Variants in TBCD observed in about 807,000 individuals in gnomAD.
The protein encoded by TBCD is tubulin-specific chaperone D.
In TBCD, 105 loss-of-function variants were observed where a neutral mutation model predicts 169.3. The observed-to-expected ratio is 0.62, with a 90% confidence interval of 0.53 to 0.73. The LOEUF (loss-of-function observed/expected upper bound fraction) is 0.73, where lower values mean the gene tolerates loss of function less well. TBCD is among the 30% of genes least tolerant of loss of function. The pLI, the probability that TBCD is intolerant of heterozygous loss-of-function variation, is 0.00. For missense variants in TBCD, 1,444 were observed against 1,600.1 expected, an observed-to-expected ratio of 0.90 and a Z score of 1.66; for synonymous variants, 700 against 643.9, an observed-to-expected ratio of 1.09 and a Z score of -1.32.
chr17:82,774,898 C>A (rs914336675), intron 6 of TBCD, among the ~76,000 whole-genome samples: 7 of 152,252 alleles, frequency 4.6e-5, no homozygotes, highest in African/African-American at 1.7e-4. Context: ...CTTTCCCCGT[C>A]TTTTCCAGTT....
At position 82,806,924 on chromosome 17, in the gene TBCD, C is replaced by T. The variant is rs1046485024; in HGVS notation, c.1088-684C>T. ...CGGGGCCCTGGGTCTGCCCCTTCCC[C>T]GTGTCCGCAGCCTGCCCCAGGTTCA... is the stretch of plus-strand genomic sequence containing the variant. On this transcript the variant is annotated intron_variant, in intron 10 of 38. Transcript: ENST00000355528. This position sits in a 1 kb window ranked among gnomAD's most constrained non-coding sequence, Gnocchi z 5.1. Among the ~76,000 whole-genome samples the T allele has an allele frequency of 3.9e-5, 6 of 152,214 alleles. No homozygotes were observed. Among genetic ancestry groups the T allele is most frequent in the African/African-American group, 1.2e-4 (5 of 41,452 alleles).
Position 82,929,174 on chromosome 17 carries a change from G to T in TBCD, c.2755G>T (p.Ala919Ser). 6.2e-7 allele frequency: 1 copy of T among 1,613,598 alleles called. No individual in the cohort carries two copies. Residue 919 changes from alanine to serine, a missense_variant, in exon 31 of 39, where the codon GCT (alanine) becomes TCT (serine). Physicochemically the swap from Ala to Ser is moderately conservative, Grantham distance 99. Transcript: ENST00000355528. ...QASEKIDRFR[A>S]HAASVFLTLL... ...CAGTGAGAAGATTGACCGTTTCCGTGCTCACGCCGCCAGCGTGTTCCTGAC... is the reference window on the plus strand; with the variant it reads ...CAGTGAGAAGATTGACCGTTTCCGTTCTCACGCCGCCAGCGTGTTCCTGAC...
intron 17 of TBCD, among the ~76,000 whole-genome samples, chr17:82,899,203 C>T (rs373673253): frequency 1.0e-4 from 15 of 148,502 alleles, no homozygotes; most frequent in South Asian, 4.3e-4. Context: ...AGCGCGTGTC[C>T]GCAGTGCGTC....
chr17:82,904,750 G>A (rs558735437), intron 19 of TBCD, among the ~76,000 whole-genome samples: 165 of 152,186 alleles, frequency 1.1e-3, no homozygotes, highest in African/African-American at 3.3e-3. Context: ...GTGGGGGCTC[G>A]TTCATTCCTA....
chr17:82,884,395 G>GGTTAA lies in TBCD; in HGVS notation c.1533+194_1533+195insTTAAG, dbSNP rs2058584359. Among the ~76,000 whole-genome samples the GGTTAA allele has an allele frequency of 6.6e-6, 1 of 152,202 alleles. No homozygotes were observed. The highest frequency in any genetic ancestry group is 1.5e-5 in the Non-Finnish European group (1 of 68,040). On this transcript the variant is annotated intron_variant, in intron 15 of 38. Transcript: ENST00000355528. This position sits in a 1 kb window ranked among gnomAD's most constrained non-coding sequence, Gnocchi z 4.2. ...CTCTGGGCGTCTTCAGCGTGTGAAG[G>GGTTAA]GCGGTCAGGGTTAAGCATCCCCAGA... is the stretch of plus-strand genomic sequence containing the variant.
rs1311524382 is a variant in TBCD, at chr17:82,874,550, C to T, written c.1475+4170C>T. ...GTGCCCCTCGCCCCTTTACCTGTGC[C>T]ATCCCGGCCGCAGACCCAAGGGTGC... On this transcript the variant is annotated intron_variant, in intron 14 of 38. Transcript: ENST00000355528. This position sits in a 1 kb window ranked among gnomAD's most constrained non-coding sequence, Gnocchi z 5.0. Among the ~76,000 whole-genome samples the T allele has an allele frequency of 2.6e-5, 4 of 152,302 alleles. No homozygotes were observed. Among genetic ancestry groups the T allele is most frequent in the Middle Eastern group, 3.4e-3 (1 of 294 alleles).
chr17:82,831,507 C>T lies in TBCD; in HGVS notation c.1318+16573C>T, dbSNP rs370662607. On this transcript the variant is annotated intron_variant, in intron 13 of 38. Transcript: ENST00000355528. This position sits in a 1 kb window ranked among gnomAD's most constrained non-coding sequence, Gnocchi z 4.6. ...CTGGCCTGTAAAATCCGTAAGGAAT[C>T]GGCAGGTTAGAGGGATATTGCTGGA... 13 of 1,614,074 alleles carry T rather than the reference C, an allele frequency of 8.1e-6. No homozygotes were observed. The highest frequency in any genetic ancestry group is 3.3e-5 in the Admixed American group (2 of 60,010).
intron 34 of TBCD, among the ~76,000 whole-genome samples, chr17:82,935,910 G>C (rs1441801790): frequency 6.6e-6 from 1 of 152,230 alleles, no homozygotes; most frequent in Non-Finnish European, 1.5e-5. Context: ...AGTGGGGTCT[G>C]CTGCGGTGAA....
chr17:82,929,757 C>T, intron 32 of TBCD: 3 of 604,858 alleles, frequency 5.0e-6, no homozygotes, highest in Non-Finnish European at 8.8e-6. Flanking sequence ...AGCCTTGGAG[C>T]TCCCAGCGTC....
At position 82,944,770 on chromosome 17, in the gene TBCD, C is replaced by T. The variant is rs2063565844; in HGVS notation, c.*2307C>T. The T allele has an allele frequency of 6.6e-6, 1 of 152,174 alleles. No homozygotes were observed. The highest frequency in any genetic ancestry group is 2.4e-5 in the African/African-American group (1 of 41,424). 9.4% of individuals were successfully genotyped at this position (152,174 alleles called of 1,614,324 possible). ...TGTGAGAGCAGAGACCTTGGAGATCCTGAGGGTTTCTGCTGAGCCCTGGAA... is the reference window on the plus strand; with the variant it reads ...TGTGAGAGCAGAGACCTTGGAGATCTTGAGGGTTTCTGCTGAGCCCTGGAA... On this transcript the variant is annotated 3_prime_UTR_variant, in exon 39 of 39. Transcript: ENST00000355528.
intron 12 of TBCD, among the ~76,000 whole-genome samples, chr17:82,813,247 C>G (rs1432312393): frequency 4.6e-5 from 7 of 152,246 alleles, no homozygotes; most frequent in Non-Finnish European, 1.5e-5. Context: ...GACCCGTGTA[C>G]CTGCGACACT....
chr17:82,809,113 AG>A (rs2144828482), intron 11 of TBCD, among the ~76,000 whole-genome samples: 1 of 152,124 alleles, frequency 6.6e-6, no homozygotes, highest in East Asian at 1.9e-4. Context: ...TGCTGTACGC[AG>A]GGGATGGCTT....
At chr17:82,805,341 G>A (rs1598608328) in intron 9 of TBCD, among the ~76,000 whole-genome samples, 1 of 152,340 alleles carries the variant, frequency 6.6e-6, no homozygotes, top group Admixed American at 6.5e-5. Context: ...TTCATGGCGT[G>A]TCCAGGGGAT....
rs766312013 is a variant in TBCD, at chr17:82,756,171, T to C, written c.191T>C (p.Met64Thr). 8 of 1,608,570 alleles carry C rather than the reference T, an allele frequency of 5.0e-6. No individual in the cohort carries two copies. In the Admixed American group the frequency reaches 1.2e-4, roughly 24 times the overall value. Residue 64 changes from methionine to threonine, a missense_variant, in exon 2 of 39, where the codon ATG becomes ACG. By Grantham distance (81) the Met-to-Thr change is moderately conservative (BLOSUM62 -1). Transcript: ENST00000355528. Reference sequence around the variant, plus strand: ...ATGTTATATTTGTTTTTAGTAATAATGGACAAATACCAGGAGCAGCCTCAT... The same window carrying C: ...ATGTTATATTTGTTTTTAGTAATAACGGACAAATACCAGGAGCAGCCTCAT... The part of the protein sequence containing the change: ...EVALERFRVI[M>T]DKYQEQPHLL...
intron 4 of TBCD, among the ~76,000 whole-genome samples, chr17:82,767,514 T>C (rs1422476849): frequency 6.6e-5 from 10 of 152,076 alleles, no homozygotes; most frequent in Non-Finnish European, 1.5e-4. Flanking sequence ...CAATCTTGGC[T>C]CACTGCAACC....
At chr17:82,785,032 C>A (rs1215998031) in intron 7 of TBCD, among the ~76,000 whole-genome samples, 3 of 114,818 alleles carry the variant, frequency 2.6e-5, no homozygotes, top group African/African-American at 1.2e-4. Flanking sequence ...TGGATCCCAC[C>A]CATCGCAGCG....
chr17:82,903,449 A>G lies in TBCD; in HGVS notation c.1775A>G (p.Gln592Arg), dbSNP rs1436714253. The G allele has an allele frequency of 1.2e-6, 2 of 1,602,520 alleles. No homozygotes were observed. The highest frequency in any genetic ancestry group is 1.7e-6 in the Non-Finnish European group (2 of 1,174,622). The change falls in exon 19 of 39, where the codon CAG (glutamine) becomes CGG (arginine). Residue 592 changes from glutamine to arginine, a missense_variant. Physicochemically the swap from Gln to Arg is conservative, Grantham distance 43 (BLOSUM62 1). Transcript: ENST00000355528. This position sits in a 1 kb window ranked among gnomAD's most constrained non-coding sequence, Gnocchi z 4.8. Reference sequence around the variant, plus strand: ...GCGAGGGCGCTGCACAACCTGGCCCAGCAGGCACCCGAGTTCAGCGCCACG... The same window carrying G: ...GCGAGGGCGCTGCACAACCTGGCCCGGCAGGCACCCGAGTTCAGCGCCACG... ...LAARALHNLA[Q>R]QAPEFSATQV... is the part of the protein sequence containing the mutation.
At chr17:82,839,349 A>C (rs2145417314) in intron 13 of TBCD, among the ~76,000 whole-genome samples, 1 of 152,202 alleles carries the variant, frequency 6.6e-6, no homozygotes, top group South Asian at 2.1e-4. Flanking sequence ...TATACCACAC[A>C]CACATATATA....
Position 82,889,519 on chromosome 17 carries a change from C to A in TBCD, c.1534-149C>A, listed in dbSNP as rs534514775. 1 of 874,958 alleles carries A rather than the reference C, an allele frequency of 1.1e-6. No individual in the cohort carries two copies. Among genetic ancestry groups the A allele is most frequent in the East Asian group, 2.6e-5 (1 of 37,892 alleles). The allele number at this position is 874,958 out of a possible 1,614,324, so 54.2% of individuals were successfully genotyped here. A position where few individuals can be genotyped will look rare whatever the true frequency, so the allele number is the denominator to read the frequency against. ...AGGACGTAAAAACAGAGTGACGCAC[C>A]TTGAGGCTCTGTTCAGCCAACAATG... On this transcript the variant is annotated intron_variant, in intron 15 of 38. Transcript: ENST00000355528. This position sits in a 1 kb window ranked among gnomAD's most constrained non-coding sequence, Gnocchi z 5.3.
Sources: gnomAD v4.1 joint callset for allele counts (sites outside exome capture counted in the v4.1 genomes callset) on GRCh38, gnomAD v4.1.1 for gene constraint, Gnocchi (gnomAD v3.1) non-coding constraint, MANE v1.5 for transcripts, NCBI Gene and HGNC (gene_info 2026-07-23, HGNC 2026-07-21) for gene names.